IFFO1: variants seen among roughly 807,000 people sequenced by gnomAD.
IFFO1 encodes the protein intermediate filament family orphan 1.
A neutral mutation model predicts 59.6 loss-of-function variants in IFFO1; 42 were observed. That is an observed-to-expected ratio of 0.70 (90% CI 0.55 to 0.91). The LOEUF (loss-of-function observed/expected upper bound fraction) is 0.91, where lower values mean the gene tolerates loss of function less well. Ranked by LOEUF, IFFO1 falls within the 40% of genes least tolerant of loss-of-function variation. The pLI is 0.00. For missense variants in IFFO1, 711 were observed against 793.2 expected (o/e 0.90, Z 1.24); for synonymous variants, 336 against 342.8 (o/e 0.98, Z 0.22).
intron 8 of IFFO1, among the ~76,000 whole-genome samples, chr12:6,545,226 T>A (rs1012713516): frequency 6.0e-5 from 9 of 151,084 alleles, no homozygotes; most frequent in East Asian, 3.9e-4. Flanking sequence ...AAAAAATAAA[T>A]AAATAAATAA....
intron 8 of IFFO1, chr12:6,543,801 A>C (rs1001505905): frequency 3.3e-5 from 5 of 152,056 alleles, no homozygotes; most frequent in African/African-American, 1.2e-4. Context: ...CCCCATCTCT[A>C]CTAAAAATAC....
rs531478635 is a variant in IFFO1 at position 6,551,263 on chromosome 12, G to C, written c.774-262C>G. The C allele has an allele frequency of 4.1e-5, 25 of 615,584 alleles. No individual in the cohort carries two copies. The East Asian group carries it at 8.5e-4, about 21-fold the overall frequency. 38.1% of individuals were successfully genotyped at this position (615,584 alleles called of 1,614,324 possible). A position where few individuals can be genotyped will look rare whatever the true frequency, so the allele number is the denominator to read the frequency against. On this transcript the variant is annotated intron_variant, in intron 1 of 9. Coordinates refer to ENST00000619571, the MANE Select transcript of IFFO1 (RefSeq NM_001193457.2). ...GGCTGTGCACCAGGAGCTCTGTTTG[G>C]GCAAGTGCTGAGGCTCCGGTCCTCC...
Position 6,555,452 on chromosome 12 carries a change from G to A in IFFO1, c.578C>T (p.Pro193Leu), listed in dbSNP as rs748373025. Residue 193 changes from proline (P) to leucine (L), a missense_variant, in exon 1 of 10, where the codon CCC becomes CTC. Coordinates refer to ENST00000619571, the MANE Select transcript of IFFO1 (RefSeq NM_001193457.2). The surrounding 1 kb of genome is among the most constrained non-coding windows in gnomAD (Gnocchi z 8.6). ...TTYSSSARFM[P>L]GTIWSFSHAR... ...GTGCGAGAACGACCAGATGGTGCCG[G>A]GCATGAAGCGGGCCGACGAGGAATA... The A allele has an allele frequency of 1.1e-5, 18 of 1,613,794 alleles. 1 individual carries two copies. The South Asian group carries it at 2.0e-4, about 18-fold the overall frequency.
At position 6,550,273 on chromosome 12, in the gene IFFO1, ACAGCTAACACTCTTC is replaced by A. The variant is rs1229327158; in HGVS notation, c.931-392_931-378del. ...TGGAGAAAGGACTATAATAATCGCA[ACAGCTAACACTCTTC>A]CAGCTAACACTGCATGCTGGGCACT... On this transcript the variant is annotated intron_variant, in intron 3 of 9. Transcript: ENST00000619571. 5 of 324,788 alleles carry A rather than the reference ACAGCTAACACTCTTC, an allele frequency of 1.5e-5. No homozygotes were observed. In the East Asian group the frequency reaches 2.3e-4, roughly 15 times the overall value. The allele number at this position is 324,788 out of a possible 1,614,324, so 20.1% of individuals were successfully genotyped here. A position where few individuals can be genotyped will look rare whatever the true frequency, so the allele number is the denominator to read the frequency against.
chr12:6,549,149 A>G lies in IFFO1; in HGVS notation c.1081-300T>C. 1 of 501,574 alleles carries G rather than the reference A, an allele frequency of 2.0e-6. No individual in the cohort carries two copies. Among genetic ancestry groups the G allele is most frequent in the Non-Finnish European group, 3.5e-6 (1 of 285,672 alleles). 31.1% of individuals were successfully genotyped at this position (501,574 alleles called of 1,614,324 possible). A position where few individuals can be genotyped will look rare whatever the true frequency, so the allele number is the denominator to read the frequency against. On this transcript the variant is annotated intron_variant, in intron 5 of 9. Transcript: ENST00000619571. This position sits in a 1 kb window ranked among gnomAD's most constrained non-coding sequence, Gnocchi z 5.0. ...GATGTGCATGATGGCTCAAGAGGAA[A>G]TTTTTTTCTAAAAAAAGTCTTTTTG...
Position 6,555,964 on chromosome 12 carries a change from T to A in IFFO1, c.66A>T (p.Pro22=). ...LQQEQQGLAG[P]LGDSLGGDHF... ...GGTCGCCTCCCAGTGAGTCCCCCAG[T>A]GGCCCGGCCAGGCCCTGCTGCTCCT... Residue 22 remains proline, a synonymous_variant, in exon 1 of 10, where the codon CCA becomes CCT. Coordinates refer to ENST00000619571, the MANE Select transcript of IFFO1 (RefSeq NM_001193457.2). This position sits in a 1 kb window ranked among gnomAD's most constrained non-coding sequence, Gnocchi z 8.6. 1 of 1,565,676 alleles carries A rather than the reference T, an allele frequency of 6.4e-7. No individual in the cohort carries two copies. Among genetic ancestry groups the A allele is most frequent in the Non-Finnish European group, 8.6e-7 (1 of 1,162,678 alleles).
chr12:6,542,563 G>C (rs1160889872), intron 8 of IFFO1, among the ~76,000 whole-genome samples: 1 of 152,268 alleles, frequency 6.6e-6, no homozygotes, highest in African/African-American at 2.4e-5. Flanking sequence ...ATTGGACAGA[G>C]AGGGTGGGAA....
chr12:6,544,448 C>T (rs931289083), intron 8 of IFFO1, among the ~76,000 whole-genome samples: 1 of 152,118 alleles, frequency 6.6e-6, no homozygotes, highest in Non-Finnish European at 1.5e-5. Flanking sequence ...GGATTACAGG[C>T]GAGAGCCACC....
rs746113152 is a variant in IFFO1, at chr12:6,549,788, G to A, written c.1039C>T (p.Arg347Cys). ...TAKLCDVAQQ[R>C]NCEDMIQMFQ... Reference sequence around the variant, plus strand: ...ATCTGGATCATGTCCTCGCAGTTGCGCTGCTGAGCCACATCGCAGAGCTTG... The same window carrying A: ...ATCTGGATCATGTCCTCGCAGTTGCACTGCTGAGCCACATCGCAGAGCTTG... The change falls in exon 4 of 10, where the codon CGC becomes TGC. Residue 347 changes from arginine to cysteine, a missense_variant. Physicochemically the swap from Arg to Cys is radical, Grantham distance 180 (BLOSUM62 -3). Coordinates refer to ENST00000619571, the MANE Select transcript of IFFO1 (RefSeq NM_001193457.2). The surrounding 1 kb of genome is among the most constrained non-coding windows in gnomAD (Gnocchi z 5.0). 2.2e-5 allele frequency: 35 copies of A among 1,613,978 alleles called. No individual in the cohort carries two copies. The highest frequency in any genetic ancestry group is 1.6e-4 in the Middle Eastern group (1 of 6,080).
Position 6,540,422 on chromosome 12 carries a change from A to AC in IFFO1, c.*60dup. Reference sequence around the variant, plus strand: ...CTGATGTTCCCCTCTGTGCAGCCCCACCCTCTGCCTCGCTGAGCTCCCTGC... The same window carrying AC: ...CTGATGTTCCCCTCTGTGCAGCCCCACCCCTCTGCCTCGCTGAGCTCCCTGC... On this transcript the variant is annotated 3_prime_UTR_variant, in exon 10 of 10. Coordinates refer to ENST00000619571, the MANE Select transcript of IFFO1 (RefSeq NM_001193457.2). 1 of 1,345,094 alleles carries AC rather than the reference A, an allele frequency of 7.4e-7. No homozygotes were observed. Among genetic ancestry groups the AC allele is most frequent in the South Asian group, 1.2e-5 (1 of 85,610 alleles). 83.3% of individuals were successfully genotyped at this position (1,345,094 alleles called of 1,614,324 possible). A position where few individuals can be genotyped will look rare whatever the true frequency, so the allele number is the denominator to read the frequency against.
intron 1 of IFFO1, chr12:6,551,464 G>A (rs1205467776): frequency 1.2e-5 from 15 of 1,293,428 alleles, no homozygotes; most frequent in Non-Finnish European, 1.4e-5. Flanking sequence ...CGAGCCCGCT[G>A]CCCTGCCTCT....
At chr12:6,553,331 T>A (rs947110094) in intron 1 of IFFO1, among the ~76,000 whole-genome samples, 2 of 150,114 alleles carry the variant, frequency 1.3e-5, no homozygotes, top group Admixed American at 6.6e-5. Context: ...TCCTTCAGTT[T>A]AAAAAAAAAA....
intron 1 of IFFO1, among the ~76,000 whole-genome samples, chr12:6,553,318 C>T (rs1259805832): frequency 2.0e-5 from 3 of 151,256 alleles, no homozygotes; most frequent in African/African-American, 7.4e-5. Context: ...CAAGGACAAA[C>T]GCTCCTTCAG....
intron 1 of IFFO1, 26 bp from the exon 2 acceptor site, chr12:6,551,027 G>C: frequency 6.2e-7 from 1 of 1,612,990 alleles, no homozygotes; most frequent in South Asian, 1.1e-5. Context: ...AGGGCGGAGA[G>C]AGCTTAGGTA....
Position 6,555,916 on chromosome 12 carries a change from CAA to C in IFFO1, c.112_113del (p.Leu38AlafsTer31). On this transcript the variant is annotated frameshift_variant, in exon 1 of 10. Coordinates refer to ENST00000619571, the MANE Select transcript of IFFO1 (RefSeq NM_001193457.2). LOFTEE classifies it high-confidence loss of function. This position sits in a 1 kb window ranked among gnomAD's most constrained non-coding sequence, Gnocchi z 8.6. The stretch of plus-strand genomic sequence containing the variant: ...CGGCCGGCGAGAGAGGCGCCGGGGG[CAA>C]GTCTCCTCCCCCGGCGAAGTGGTCG... ...GGDHFAGGGDLPPAPLSPAGP... is the reference protein window; with the variant it reads ...GGDHFAGGGDXPPAPLSPAGP... The C allele has an allele frequency of 6.4e-7, 1 of 1,552,056 alleles. No individual in the cohort carries two copies. The highest frequency in any genetic ancestry group is 1.2e-5 in the South Asian group (1 of 86,194).
chr12:6,540,212 G>T lies in IFFO1; in HGVS notation c.*271C>A. 1.8e-6 allele frequency: 1 copy of T among 542,218 alleles called. No individual in the cohort carries two copies. The highest frequency in any genetic ancestry group is 3.3e-6 in the Non-Finnish European group (1 of 304,266). 33.6% of individuals were successfully genotyped at this position (542,218 alleles called of 1,614,324 possible). A position where few individuals can be genotyped will look rare whatever the true frequency, so the allele number is the denominator to read the frequency against. On this transcript the variant is annotated 3_prime_UTR_variant, in exon 10 of 10. Transcript: ENST00000619571. ...ATCGCTCTGGCAGCATTTTAAAGAT[G>T]GGGAAGTAGCAGACACCCACGCGTG...
Position 6,548,640 on chromosome 12 carries a change from GCTGCGGGAGCACGGC to G in IFFO1, c.1262+13_1262+27del, listed in dbSNP as rs1947082292. On this transcript the variant is annotated intron_variant, in intron 6 of 9. Transcript: ENST00000619571. This position sits in a 1 kb window ranked among gnomAD's most constrained non-coding sequence, Gnocchi z 6.1. ...CCTCCTGGGCTGCTGTGGCGTCGGT[GCTGCGGGAGCACGGC>G]CTGCGGACTCACAGCTGGTTGAGCA... The G allele has an allele frequency of 6.2e-7, 1 of 1,613,824 alleles. No individual in the cohort carries two copies. Among genetic ancestry groups the G allele is most frequent in the South Asian group, 1.1e-5 (1 of 91,084 alleles).
intron 1 of IFFO1, among the ~76,000 whole-genome samples, chr12:6,553,587 G>C (rs779008378): frequency 6.6e-6 from 1 of 151,880 alleles, no homozygotes; most frequent in Non-Finnish European, 1.5e-5. Context: ...TTTGAGACTG[G>C]CCTGGACAAC....
chr12:6,550,844 TA>T, intron 2 of IFFO1, 54 bp from the exon 3 acceptor site: 2 of 1,604,448 alleles, frequency 1.2e-6, no homozygotes, highest in South Asian at 2.2e-5. Context: ...GGGAGGAAGA[TA>T]AAGATGCCAA....
Sources: allele counts gnomAD v4.1 joint callset (sites outside exome capture counted in the v4.1 genomes callset), GRCh38; gene constraint gnomAD v4.1.1; non-coding constraint Gnocchi (gnomAD v3.1); transcripts MANE v1.5; gene names NCBI Gene and HGNC (gene_info 2026-07-23, HGNC 2026-07-21).